The following ZNF701 variants were observed in gnomAD, a reference collection of about 807,000 sequenced individuals.
ZNF701 encodes the protein zinc finger protein 701.
In ZNF701, 6 loss-of-function variants were observed where a neutral mutation model predicts 7.1. The observed-to-expected ratio is 0.84, with a 90% CI of 0.46 to 1.66. The LOEUF (loss-of-function observed/expected upper bound fraction) is 1.66. Ranked by LOEUF, ZNF701 falls within the 40% of genes most tolerant of loss-of-function variation. The probability of loss-of-function intolerance (pLI) is 0.01; values close to 1 mark genes in which losing one functional copy is unlikely to be tolerated. For missense variants in ZNF701, 541 were observed against 559.2 expected (o/e 0.97, Z 0.33); for synonymous variants, 166 against 188.2 (o/e 0.88, Z 0.97).
chr19:52,588,770 A>G (rs1377110603), downstream of ZNF701, among the ~76,000 whole-genome samples: 3 of 152,046 alleles, frequency 2.0e-5, no homozygotes, highest in African/African-American at 7.2e-5. Context: ...CTTAAATTCC[A>G]TCTGCCTCTA....
intron 3 of ZNF701, among the ~76,000 whole-genome samples, chr19:52,581,574 T>G (rs661876): frequency 0.27 from 41,555 of 152,110 alleles, 6,761 homozygotes; most frequent in African/African-American, 0.46. Context: ...GTGCAGTGGT[T>G]CGATGTTGGC....
chr19:52,583,654 G>A lies in ZNF701; in HGVS notation c.*197G>A. On this transcript the variant is annotated 3_prime_UTR_variant, in exon 4 of 4. Transcript: ENST00000391785. ...AAGGTTTGTGACAAGGATTTCGGGTGTGATTCACACCTGGCCCAACATACT... is the reference window on the plus strand; with the variant it reads ...AAGGTTTGTGACAAGGATTTCGGGTATGATTCACACCTGGCCCAACATACT... The A allele has an allele frequency of 1.8e-6, 2 of 1,135,522 alleles. No individual in the cohort carries two copies. Among genetic ancestry groups the A allele is most frequent in the East Asian group, 2.4e-5 (1 of 42,536 alleles). The allele number at this position is 1,135,522 out of a possible 1,614,324, so 70.3% of individuals were successfully genotyped here. A position where few individuals can be genotyped will look rare whatever the true frequency, so the allele number is the denominator to read the frequency against.
intron 2 of ZNF701, chr19:52,575,580 A>C: frequency 2.8e-6 from 1 of 351,390 alleles, no homozygotes; most frequent in Non-Finnish European, 5.5e-6. Context: ...AGCTCACTGA[A>C]ACCTCCACCA....
chr19:52,591,591 C>T (rs1330605260), downstream of ZNF701, among the ~76,000 whole-genome samples: 1 of 152,152 alleles, frequency 6.6e-6, no homozygotes, highest in African/African-American at 2.4e-5. Context: ...GGGGCTCAAG[C>T]AATTCTCCTG....
intron 3 of ZNF701, among the ~76,000 whole-genome samples, chr19:52,576,360 G>A (rs542500236): frequency 1.2e-4 from 18 of 152,176 alleles, no homozygotes; most frequent in African/African-American, 3.9e-4. Flanking sequence ...GGCCAACATG[G>A]AGAAATCCCG....
chr19:52,595,527 C>T, the ZNF701 span: 5 of 512,576 alleles, frequency 9.8e-6, no homozygotes, highest in Non-Finnish European at 1.7e-5. Context: ...GCCTCGTCCT[C>T]CCAAAGTGCT....
intron 1 of ZNF701, 40 bp from the exon 2 acceptor site, chr19:52,574,037 G>T: frequency 6.3e-7 from 1 of 1,592,622 alleles, no homozygotes; most frequent in Non-Finnish European, 8.6e-7. Flanking sequence ...CAGGAGGTGT[G>T]TTGATTCTGA....
At chr19:52,572,599 T>C in intron 1 of ZNF701, 2 of 356,740 alleles carry the variant, frequency 5.6e-6, no homozygotes, top group East Asian at 8.1e-5. Flanking sequence ...ATCTTTTCAC[T>C]CATCTCAGAC....
intron 3 of ZNF701, among the ~76,000 whole-genome samples, chr19:52,577,791 C>G (rs1266690363): frequency 6.6e-6 from 1 of 152,070 alleles, no homozygotes; most frequent in Non-Finnish European, 1.5e-5. Context: ...TGGATAGTAT[C>G]CAGGCCTGCC....
intron 1 of ZNF701, 106 bp downstream of exon 1, chr19:52,570,436 C>T (rs1348911786): frequency 1.3e-5 from 2 of 152,258 alleles, no homozygotes; most frequent in African/African-American, 4.8e-5. Flanking sequence ...CGCCCATCTT[C>T]CTTCAACCAG....
chr19:52,592,586 T>C, the ZNF701 span, among the ~76,000 whole-genome samples: 25 of 152,196 alleles, frequency 1.6e-4, no homozygotes, highest in African/African-American at 6.0e-4. Context: ...CGCTTGTGGT[T>C]TTGTGTTTTT....
At chr19:52,582,174 GA>G in intron 3 of ZNF701, 27 bp from the exon 4 acceptor site, 4 of 1,527,666 alleles carry the variant, frequency 2.6e-6, no homozygotes, top group Non-Finnish European at 2.6e-6. Flanking sequence ...TACTTAATTT[GA>G]AACCTATTTG....
At position 52,574,094 on chromosome 19, in the gene ZNF701, T is replaced by C. The variant is rs1475257399; in HGVS notation, c.-54T>C. The C allele has an allele frequency of 1.2e-6, 2 of 1,612,100 alleles. No individual in the cohort carries two copies. Among genetic ancestry groups the C allele is most frequent in the African/African-American group, 2.7e-5 (2 of 74,850 alleles). Reference sequence around the variant, plus strand: ...ACATTCAGGATTGACTTCTAAAGACTTGGTACGTGAGGAAAAAACACGGAA... The same window carrying C: ...ACATTCAGGATTGACTTCTAAAGACCTGGTACGTGAGGAAAAAACACGGAA... On this transcript the variant is annotated 5_prime_UTR_variant, in exon 2 of 4. Transcript: ENST00000391785.
the ZNF701 span, chr19:52,597,322 A>AT: frequency 3.7e-6 from 2 of 543,188 alleles, no homozygotes; most frequent in East Asian, 1.0e-4. Context: ...CAGAGAATCC[A>AT]TACTGGACAG....
At chr19:52,574,558 A>T (rs950487269) in intron 2 of ZNF701, among the ~76,000 whole-genome samples, 16 of 152,178 alleles carry the variant, frequency 1.1e-4, no homozygotes, top group Admixed American at 9.8e-4. Flanking sequence ...TACGTGGTAA[A>T]TTCTAGAAAA....
intron 1 of ZNF701, chr19:52,570,849 A>C (rs1464961718): frequency 1.3e-5 from 2 of 152,318 alleles, no homozygotes; most frequent in Non-Finnish European, 2.9e-5. Context: ...TCCTTGAGCC[A>C]GCGTTGGGGA....
chr19:52,598,292 G>A, the ZNF701 span, among the ~76,000 whole-genome samples: 8 of 152,170 alleles, frequency 5.3e-5, no homozygotes, highest in Admixed American at 3.9e-4. Flanking sequence ...ATATTGTGTT[G>A]GGCCACCTGT....
At chr19:52,592,762 G>T in the ZNF701 span, among the ~76,000 whole-genome samples, 67 of 129,220 alleles carry the variant, frequency 5.2e-4, 3 homozygotes, top group East Asian at 0.011. Context: ...GGCTAATTTT[G>T]TATTTTTTTT....
Position 52,575,939 on chromosome 19 carries a change from G to A in ZNF701, c.60G>A (p.Glu20=), listed in dbSNP as rs1360173512. 3 of 1,564,370 alleles carry A rather than the reference G, an allele frequency of 1.9e-6. No individual in the cohort carries two copies. The highest frequency in any genetic ancestry group is 1.7e-6 in the Non-Finnish European group (2 of 1,157,982). ...FRDVAIEFSQ[E]EWKCLDPAQR... ...ATGTGGCCATAGAATTCTCTCAGGA[G>A]GAGTGGAAATGCCTGGACCCTGCTC... The change falls in exon 3 of 4, where the codon GAG becomes GAA. Residue 20 remains glutamate, a synonymous_variant. Coordinates refer to ENST00000391785, the MANE Select transcript of ZNF701 (RefSeq NM_018260.3).
Sources: allele counts gnomAD v4.1 joint callset (sites outside exome capture counted in the v4.1 genomes callset), GRCh38; gene constraint gnomAD v4.1.1; transcripts MANE v1.5; gene names NCBI Gene and HGNC (gene_info 2026-07-23, HGNC 2026-07-21).